RAP1GAP: variants seen among roughly 807,000 people sequenced by gnomAD.
RAP1GAP encodes RAP1 GTPase activating protein.
Under a neutral mutation model 87.2 loss-of-function variants are expected in RAP1GAP, and 35 were observed. That is an observed-to-expected ratio of 0.40 (90% CI 0.31 to 0.53). RAP1GAP has a LOEUF of 0.53. RAP1GAP is among the 20% of genes least tolerant of loss of function. The probability of loss-of-function intolerance (pLI) is 0.48; values close to 1 mark genes in which losing one functional copy is unlikely to be tolerated. For synonymous variants in RAP1GAP, 375 were observed against 363.9 expected (o/e 1.03, Z -0.35); for missense variants, 734 against 898.9 (o/e 0.82, Z 2.35).
At chr1:21,608,783 G>A in intron 16 of RAP1GAP, 67 bp downstream of exon 16, 2 of 1,477,786 alleles carry the variant, frequency 1.4e-6, no homozygotes, top group Middle Eastern at 1.8e-4. Flanking sequence ...CCTTCCCAGG[G>A]ACAGGGCTGA....
chr1:21,614,483 CT>C (rs1314447494), intron 7 of RAP1GAP, among the ~76,000 whole-genome samples: 3 of 152,206 alleles, frequency 2.0e-5, no homozygotes, highest in Non-Finnish European at 4.4e-5. Context: ...AGCCCTGGTC[CT>C]TCTCAGGGCT....
rs1571610598 is a variant in RAP1GAP at position 21,668,820 on chromosome 1, G to A, written c.-149+434C>T. 6.6e-6 allele frequency among the ~76,000 whole-genome samples: 1 copy of A among 151,842 alleles called. No homozygotes were observed. ...CCCCACTTCCCTCCTCTGAGGACAG[G>A]AGCGCCACCCTCTGGGGGGCGCTAG... On this transcript the variant is annotated intron_variant, in intron 1 of 24. Transcript: ENST00000374765. This position sits in a 1 kb window ranked among gnomAD's most constrained non-coding sequence, Gnocchi z 6.2.
Position 21,609,391 on chromosome 1 carries a change from GA to G in RAP1GAP, c.1071+183del, listed in dbSNP as rs34097078. Among the ~76,000 whole-genome samples, 60,485 of 140,730 alleles carry G rather than the reference GA, an allele frequency of 0.43. 12,479 individuals are homozygous for G. Among genetic ancestry groups the G allele is most frequent in the East Asian group, 0.54 (2,653 of 4,918 alleles). The allele number at this position is 140,730 out of a possible 152,430, so 92.3% of individuals were successfully genotyped here. On this transcript the variant is annotated intron_variant, in intron 15 of 24. Transcript: ENST00000374765. The surrounding 1 kb of genome is among the most constrained non-coding windows in gnomAD (Gnocchi z 4.4). ...CGTGTAGTTTATCCTGTGACCTTGT[GA>G]AAAAAAAAAAAAAGGTGTTTTCAAG...
At chr1:21,651,880 C>G in intron 1 of RAP1GAP, 1 of 1,034,676 alleles carries the variant, frequency 9.7e-7, no homozygotes, top group Non-Finnish European at 1.2e-6. Context: ...TTCCCGCGCC[C>G]GGGTCACCTT....
chr1:21,613,843 G>T lies in RAP1GAP; in HGVS notation c.396-137C>A, dbSNP rs1313737268. ...GTGATGATGGGTGTCAGGCTGACTC[G>T]GGTACTAACTTGCTGTGCAACCTCA... On this transcript the variant is annotated intron_variant, in intron 8 of 24. Transcript: ENST00000374765. The surrounding 1 kb of genome is among the most constrained non-coding windows in gnomAD (Gnocchi z 4.7). 1.7e-5 allele frequency: 19 copies of T among 1,131,378 alleles called. No individual in the cohort carries two copies. The highest frequency in any genetic ancestry group is 2.3e-5 in the Non-Finnish European group (18 of 766,520). 70.1% of individuals were successfully genotyped at this position (1,131,378 alleles called of 1,614,324 possible). A position where few individuals can be genotyped will look rare whatever the true frequency, so the allele number is the denominator to read the frequency against.
At chr1:21,649,886 C>A in intron 1 of RAP1GAP, 90 bp from the exon 2 acceptor site, 5 of 1,345,232 alleles carry the variant, frequency 3.7e-6, no homozygotes, top group Non-Finnish European at 5.2e-6. Flanking sequence ...ACTGCACCAC[C>A]CTCCCAGAGG....
rs868334256 is a variant in RAP1GAP, at chr1:21,622,698, C to T, written c.-18-2648G>A. The T allele has an allele frequency of 1.3e-5, 2 of 151,132 alleles. No homozygotes were observed. Among genetic ancestry groups the T allele is most frequent in the South Asian group, 4.1e-4 (2 of 4,832 alleles). 9.4% of individuals were successfully genotyped at this position (151,132 alleles called of 1,614,324 possible). A position where few individuals can be genotyped will look rare whatever the true frequency, so the allele number is the denominator to read the frequency against. On this transcript the variant is annotated intron_variant, in intron 3 of 24. Coordinates refer to ENST00000374765, the MANE Select transcript of RAP1GAP (RefSeq NM_002885.4). The surrounding 1 kb of genome is among the most constrained non-coding windows in gnomAD (Gnocchi z 5.7). ...CCCGGGACACCGCGCCTGCGCGTTC[C>T]GGCCCGAGCGCTAGAAGCTTTGGGT...
chr1:21,611,188 A>G (rs2077996969), intron 13 of RAP1GAP, among the ~76,000 whole-genome samples: 1 of 152,190 alleles, frequency 6.6e-6, no homozygotes, highest in Admixed American at 6.5e-5. Flanking sequence ...GATCTGCTGA[A>G]CTCTTGCAAT....
At position 21,613,886 on chromosome 1, in the gene RAP1GAP, C is replaced by A; in HGVS notation, c.395+100G>T. On this transcript the variant is annotated intron_variant, in intron 8 of 24. Transcript: ENST00000374765. This position sits in a 1 kb window ranked among gnomAD's most constrained non-coding sequence, Gnocchi z 4.7. ...CAACCTCAAGCAAATCCCTGCCCCTCTATGGGCCTTGATGAAGAGAGTGGG... is the reference window on the plus strand; with the variant it reads ...CAACCTCAAGCAAATCCCTGCCCCTATATGGGCCTTGATGAAGAGAGTGGG... 8.2e-7 allele frequency: 1 copy of A among 1,223,790 alleles called. No individual in the cohort carries two copies. Among genetic ancestry groups the A allele is most frequent in the Non-Finnish European group, 1.2e-6 (1 of 858,064 alleles). The allele number at this position is 1,223,790 out of a possible 1,614,324, so 75.8% of individuals were successfully genotyped here. A position where few individuals can be genotyped will look rare whatever the true frequency, so the allele number is the denominator to read the frequency against.
intron 1 of RAP1GAP, among the ~76,000 whole-genome samples, chr1:21,664,129 G>A (rs2097258312): frequency 6.6e-6 from 1 of 152,190 alleles, no homozygotes; most frequent in African/African-American, 2.4e-5. Flanking sequence ...CTGACTTCCT[G>A]AACCAATGAC....
At chr1:21,626,891 G>T (rs773102812) in intron 2 of RAP1GAP, 2 of 456,762 alleles carry the variant, frequency 4.4e-6, no homozygotes, top group Non-Finnish European at 8.8e-6. Context: ...CTGAGCCCTC[G>T]TTCTAGGCCC....
chr1:21,659,920 A>G (rs2097049560), intron 1 of RAP1GAP, among the ~76,000 whole-genome samples: 1 of 152,170 alleles, frequency 6.6e-6, no homozygotes, highest in African/African-American at 2.4e-5. Flanking sequence ...CCTAAGGATC[A>G]GTGGATGCAG....
At chr1:21,602,726 G>T in intron 19 of RAP1GAP, 78 bp downstream of exon 19, 1 of 1,320,020 alleles carries the variant, frequency 7.6e-7, no homozygotes, top group Non-Finnish European at 1.0e-6. Context: ...ACTCCCTTCT[G>T]CCTGCCTTGC....
chr1:21,621,591 A>G (rs1173262063), intron 3 of RAP1GAP, among the ~76,000 whole-genome samples: 1 of 152,180 alleles, frequency 6.6e-6, no homozygotes, highest in Non-Finnish European at 1.5e-5. Context: ...GAAAGAGACA[A>G]TTCCGCAGGC....
rs1393365148 is a variant in RAP1GAP at position 21,668,197 on chromosome 1, A to AG, written c.-149+1056dup. 3.3e-5 allele frequency among the ~76,000 whole-genome samples: 5 copies of AG among 152,274 alleles called. No individual in the cohort carries two copies. Among genetic ancestry groups the AG allele is most frequent in the African/African-American group, 1.2e-4 (5 of 41,558 alleles). On this transcript the variant is annotated intron_variant, in intron 1 of 24. Coordinates refer to ENST00000374765, the MANE Select transcript of RAP1GAP (RefSeq NM_002885.4). The surrounding 1 kb of genome is among the most constrained non-coding windows in gnomAD (Gnocchi z 6.2). The stretch of plus-strand genomic sequence containing the variant: ...CAGGGGGGGCCAGGAGCCTCCTGAG[A>AG]GCCTCATATGGGGAGGAAGTGGTAC...
Position 21,621,671 on chromosome 1 carries a change from C to A in RAP1GAP, c.-18-1621G>T, listed in dbSNP as rs2087733528. 2.0e-5 allele frequency among the ~76,000 whole-genome samples: 3 copies of A among 152,250 alleles called. No homozygotes were observed. The South Asian group carries it at 6.2e-4, about 31-fold the overall frequency. ...CAAACATGCCTGTCAACACAACACA[C>A]TGTATGACAGCAACTTTGGCTTCTG... On this transcript the variant is annotated intron_variant, in intron 3 of 24. Transcript: ENST00000374765.
chr1:21,652,456 C>T (rs1327899113), intron 1 of RAP1GAP, among the ~76,000 whole-genome samples: 2 of 152,160 alleles, frequency 1.3e-5, no homozygotes, highest in African/African-American at 4.8e-5. Flanking sequence ...CTACCCTTCC[C>T]GCGAACGAAT....
chr1:21,606,338 G>A (rs1210991812), intron 17 of RAP1GAP, 141 bp from the exon 18 acceptor site: 1 of 1,256,644 alleles, frequency 8.0e-7, no homozygotes, highest in Non-Finnish European at 1.1e-6. Context: ...CTGGGCATGT[G>A]GCCAGCAGGG....
chr1:21,603,161 AC>A lies in RAP1GAP; in HGVS notation c.1429-249del. 4.0e-6 allele frequency: 2 copies of A among 504,860 alleles called. No homozygotes were observed. The highest frequency in any genetic ancestry group is 7.1e-6 in the Non-Finnish European group (2 of 282,414). The allele number at this position is 504,860 out of a possible 1,614,324, so 31.3% of individuals were successfully genotyped here. A position where few individuals can be genotyped will look rare whatever the true frequency, so the allele number is the denominator to read the frequency against. ...ACGTCAATACTGGCCCAGGATTAGG[AC>A]AGCATCCTGAGGGGGCTAGGGTGGG... On this transcript the variant is annotated intron_variant, in intron 18 of 24. Coordinates refer to ENST00000374765, the MANE Select transcript of RAP1GAP (RefSeq NM_002885.4). The surrounding 1 kb of genome is among the most constrained non-coding windows in gnomAD (Gnocchi z 6.0).
Sources: allele counts gnomAD v4.1 joint callset (sites outside exome capture counted in the v4.1 genomes callset), GRCh38; gene constraint gnomAD v4.1.1; non-coding constraint Gnocchi (gnomAD v3.1); transcripts MANE v1.5; gene names NCBI Gene and HGNC (gene_info 2026-07-23, HGNC 2026-07-21).